The following FAM184B variants were observed in gnomAD, a reference collection of about 807,000 sequenced individuals.
The protein encoded by FAM184B is family with sequence similarity 184 member B.
In FAM184B, 111 loss-of-function variants were observed where a neutral mutation model predicts 135.9. The ratio of observed to expected loss-of-function variants is 0.82; its 90% confidence interval spans 0.70 to 0.96. The LOEUF is 0.96. Ranked by LOEUF, FAM184B falls within the 40% of genes least tolerant of loss-of-function variation. The probability of loss-of-function intolerance (pLI) is 0.00; values close to 1 mark genes in which losing one functional copy is unlikely to be tolerated. For missense variants in FAM184B, 1,375 were observed against 1,323.9 expected (o/e 1.04, Z -0.60); for synonymous variants, 552 against 524.8 (o/e 1.05, Z -0.71).
intron 13 of FAM184B, among the ~76,000 whole-genome samples, chr4:17,641,269 A>C (rs763846882): frequency 1.3e-4 from 19 of 151,926 alleles, no homozygotes; most frequent in Non-Finnish European, 2.5e-4. Flanking sequence ...CAGAGGACTC[A>C]GTCTGGGAGA....
intron 1 of FAM184B, among the ~76,000 whole-genome samples, chr4:17,735,380 A>T (rs1187072959): frequency 6.6e-6 from 1 of 152,186 alleles, no homozygotes; most frequent in Non-Finnish European, 1.5e-5. Flanking sequence ...ATTATAAAAA[A>T]AATTTTCATT....
At chr4:17,702,173 C>T (rs1417571563) in intron 5 of FAM184B, among the ~76,000 whole-genome samples, 1 of 152,162 alleles carries the variant, frequency 6.6e-6, no homozygotes, top group Admixed American at 6.5e-5. Context: ...GTTCCTTGGT[C>T]TTCCATTACG....
chr4:17,775,000 T>C (rs998295913), intron 1 of FAM184B, among the ~76,000 whole-genome samples: 1 of 134,830 alleles, frequency 7.4e-6, no homozygotes, highest in African/African-American at 2.8e-5. Context: ...TTCTTTTTTT[T>C]TTTTTTTTTT....
chr4:17,755,166 C>A (rs1308184094), intron 1 of FAM184B, among the ~76,000 whole-genome samples: 4 of 152,090 alleles, frequency 2.6e-5, no homozygotes, highest in Non-Finnish European at 4.4e-5. Flanking sequence ...GTCTAAAATT[C>A]TTTTATACCT....
chr4:17,701,988 G>T (rs1183581262), intron 5 of FAM184B, among the ~76,000 whole-genome samples: 1 of 152,202 alleles, frequency 6.6e-6, no homozygotes, highest in African/African-American at 2.4e-5. Context: ...CACATGTCTA[G>T]TGGCTTCCGT....
chr4:17,731,413 G>T (rs1325768055), intron 1 of FAM184B, among the ~76,000 whole-genome samples: 1 of 152,222 alleles, frequency 6.6e-6, no homozygotes, highest in Non-Finnish European at 1.5e-5. Context: ...ATACATCAGT[G>T]TGCTGTATTC....
chr4:17,633,961 T>C, intron 16 of FAM184B, 73 bp from the exon 17 acceptor site: 2 of 1,187,942 alleles, frequency 1.7e-6, no homozygotes, highest in South Asian at 2.2e-5. Context: ...TAAAAGCAAA[T>C]AATGCTCACC....
chr4:17,741,756 C>A (rs963232997), intron 1 of FAM184B, among the ~76,000 whole-genome samples: 2 of 152,066 alleles, frequency 1.3e-5, no homozygotes, highest in Non-Finnish European at 2.9e-5. Context: ...GGACATAAAC[C>A]CGGAGGACAC....
At chr4:17,742,400 C>T (rs990590683) in intron 1 of FAM184B, among the ~76,000 whole-genome samples, 1 of 151,988 alleles carries the variant, frequency 6.6e-6, no homozygotes, top group Non-Finnish European at 1.5e-5. Context: ...CACCACTGCA[C>T]TCCAACCTGA....
intron 12 of FAM184B, among the ~76,000 whole-genome samples, chr4:17,647,214 A>C (rs1054497031): frequency 6.7e-6 from 1 of 148,962 alleles, no homozygotes; most frequent in Non-Finnish European, 1.5e-5. Context: ...CACTTCGGGC[A>C]GGGGGGAGGG....
At chr4:17,672,535 G>A (rs1045316288) in intron 7 of FAM184B, among the ~76,000 whole-genome samples, 9 of 152,030 alleles carry the variant, frequency 5.9e-5, no homozygotes, top group South Asian at 2.1e-4. Flanking sequence ...GGCTTTTATC[G>A]CATTGAGGTA....
chr4:17,727,088 C>G (rs539964832), intron 1 of FAM184B, among the ~76,000 whole-genome samples: 1 of 152,276 alleles, frequency 6.6e-6, no homozygotes, highest in African/African-American at 2.4e-5. Context: ...TCAGTAAGAA[C>G]AGATACATGC....
intron 1 of FAM184B, among the ~76,000 whole-genome samples, chr4:17,737,075 C>T (rs942983500): frequency 3.3e-5 from 5 of 151,094 alleles, no homozygotes; most frequent in African/African-American, 9.8e-5. Flanking sequence ...AACCCAGGGG[C>T]GGAGGTTACA....
chr4:17,776,180 G>T (rs1560199271), intron 1 of FAM184B, among the ~76,000 whole-genome samples: 1 of 151,984 alleles, frequency 6.6e-6, no homozygotes, highest in African/African-American at 2.4e-5. Flanking sequence ...TAAAATTAAG[G>T]AGCTTATTAC....
chr4:17,757,994 GA>G (rs1417277307), intron 1 of FAM184B, among the ~76,000 whole-genome samples: 4 of 152,122 alleles, frequency 2.6e-5, no homozygotes, highest in Admixed American at 6.5e-5. Flanking sequence ...CTGCCTCCTT[GA>G]AATCTTGACT....
intron 8 of FAM184B, among the ~76,000 whole-genome samples, chr4:17,660,871 G>C (rs1353512456): frequency 6.6e-6 from 1 of 152,054 alleles, no homozygotes; most frequent in Non-Finnish European, 1.5e-5. Context: ...AGGACATCAG[G>C]CCAGAGCTCC....
intron 10 of FAM184B, among the ~76,000 whole-genome samples, chr4:17,657,815 C>T (rs1373778831): frequency 6.6e-6 from 1 of 151,956 alleles, no homozygotes; most frequent in Non-Finnish European, 1.5e-5. Flanking sequence ...TGCCACCACG[C>T]CGAGTTAATT....
At chr4:17,711,350 T>G (rs894794908) in intron 1 of FAM184B, among the ~76,000 whole-genome samples, 5 of 151,722 alleles carry the variant, frequency 3.3e-5, no homozygotes, top group African/African-American at 1.2e-4. Flanking sequence ...GTGGGGTGGG[T>G]GCCTGTACTT....
intron 7 of FAM184B, among the ~76,000 whole-genome samples, chr4:17,667,541 T>C (rs960414467): frequency 6.6e-6 from 1 of 152,256 alleles, no homozygotes; most frequent in Non-Finnish European, 1.5e-5. Context: ...CTGCCCACTG[T>C]GCCCAGGAGG....
Sources: allele counts gnomAD v4.1 joint callset (sites outside exome capture counted in the v4.1 genomes callset), GRCh38; gene constraint gnomAD v4.1.1; transcripts MANE v1.5; gene names NCBI Gene and HGNC (gene_info 2026-07-23, HGNC 2026-07-21).